The following USP42 variants were observed in gnomAD, a reference collection of about 807,000 sequenced individuals.
USP42 encodes ubiquitin carboxyl-terminal hydrolase 42.
Under a neutral mutation model 113.0 loss-of-function variants are expected in USP42, and 23 were observed. The ratio of observed to expected loss-of-function variants is 0.20; its 90% CI spans 0.15 to 0.29. USP42 has a LOEUF of 0.29. Among genes scored for constraint, USP42 ranks in the 10% least tolerant of loss-of-function variants. The pLI is 1.00. For synonymous variants in USP42, 933 were observed against 699.0 expected (o/e 1.33, Z -5.28); for missense variants, 2,174 against 1,779.8 (o/e 1.22, Z -3.99).
intron 3 of USP42, among the ~76,000 whole-genome samples, chr7:6,125,230 T>C (rs1279256374): frequency 1.3e-5 from 2 of 149,192 alleles, no homozygotes; most frequent in Admixed American, 1.3e-4. Context: ...GGCTCATGCC[T>C]GTAATCCCAG....
intron 3 of USP42, among the ~76,000 whole-genome samples, chr7:6,125,880 T>G (rs538027239): frequency 1.1e-4 from 17 of 152,282 alleles, no homozygotes; most frequent in African/African-American, 4.1e-4. Context: ...AACTTTTTAT[T>G]TGTGGTAACT....
the USP42 span, among the ~76,000 whole-genome samples, chr7:6,095,078 G>A: frequency 9.3e-5 from 14 of 151,206 alleles, no homozygotes; most frequent in Admixed American, 8.5e-4. Flanking sequence ...GTGAGCCACC[G>A]TGCCCAGCCC....
At chr7:6,082,082 C>G in the USP42 span, among the ~76,000 whole-genome samples, 1 of 151,114 alleles carries the variant, frequency 6.6e-6, no homozygotes, top group Non-Finnish European at 1.5e-5. Flanking sequence ...ACTATATATA[C>G]ATATACGTGT....
intron 17 of USP42, among the ~76,000 whole-genome samples, chr7:6,160,073 TGGTTTTATA>T (rs1782686306): frequency 6.6e-6 from 1 of 152,250 alleles, no homozygotes; most frequent in African/African-American, 2.4e-5. Flanking sequence ...GGAGAGTCAC[TGGTTTTATA>T]CCTGACCCTT....
In USP42 at chr7:6,154,922, A is replaced by T. The variant is rs757978898; in HGVS notation, c.3368A>T (p.His1123Leu). Reference sequence around the variant, plus strand: ...AGCAGCCCCCGCGCAGGCGCGCCCCACGCCCTCGCCCCGCACCCCGACCGC... The same window carrying T: ...AGCAGCCCCCGCGCAGGCGCGCCCCTCGCCCTCGCCCCGCACCCCGACCGC... Reference protein sequence around the residue: ...RPSSPRAGAPHALAPHPDRFS... With the variant: ...RPSSPRAGAPLALAPHPDRFS... Residue 1123 changes from histidine to leucine, a missense_variant, in exon 15 of 18, where the codon CAC (histidine) becomes CTC (leucine). His to Leu is a moderately conservative substitution (Grantham distance 99, BLOSUM62 -3). Coordinates refer to ENST00000306177, the MANE Select transcript of USP42 (RefSeq NM_032172.3). 1.9e-6 allele frequency: 3 copies of T among 1,549,518 alleles called. No individual in the cohort carries two copies. Among genetic ancestry groups the T allele is most frequent in the Non-Finnish European group, 2.6e-6 (3 of 1,146,318 alleles).
intron 2 of USP42, among the ~76,000 whole-genome samples, chr7:6,112,463 A>C (rs993834143): frequency 1.3e-5 from 2 of 150,910 alleles, no homozygotes; most frequent in Non-Finnish European, 1.5e-5. Flanking sequence ...AAGAAAAAAG[A>C]AAAAAAAAAG....
At chr7:6,107,983 T>G (rs535189617) in intron 1 of USP42, among the ~76,000 whole-genome samples, 7 of 152,176 alleles carry the variant, frequency 4.6e-5, no homozygotes, top group African/African-American at 1.4e-4. Flanking sequence ...AGTTAAAAAT[T>G]ACACCAGCCT....
chr7:6,132,838 A>C (rs1414434009), intron 3 of USP42, among the ~76,000 whole-genome samples: 1 of 151,798 alleles, frequency 6.6e-6, no homozygotes, highest in Admixed American at 6.6e-5. Flanking sequence ...CACCCGGCTA[A>C]TTTTTTTGTA....
At chr7:6,094,218 G>T in the USP42 span, among the ~76,000 whole-genome samples, 2 of 150,124 alleles carry the variant, frequency 1.3e-5, no homozygotes, top group Non-Finnish European at 2.9e-5. Flanking sequence ...TTGTCACCCA[G>T]GCTGGAGTGC....
intron 1 of USP42, among the ~76,000 whole-genome samples, chr7:6,105,596 G>A (rs752982324): frequency 1.3e-5 from 2 of 151,998 alleles, no homozygotes; most frequent in African/African-American, 2.4e-5. Flanking sequence ...CCCCTCCCCA[G>A]GCCTAGCCAC....
rs561595327 is a variant in USP42, at chr7:6,115,083, A to C, written c.242-240A>C. On this transcript the variant is annotated intron_variant, in intron 2 of 17. Transcript: ENST00000306177. Reference sequence around the variant, plus strand: ...TAGATATTTCTCTCAAGTTTCTTTAAATCTGTAACCCTCTCCCCTTTCTGT... The same window carrying C: ...TAGATATTTCTCTCAAGTTTCTTTACATCTGTAACCCTCTCCCCTTTCTGT... 4.6e-5 allele frequency among the ~76,000 whole-genome samples: 7 copies of C among 152,124 alleles called. No individual in the cohort carries two copies. In the South Asian group the frequency reaches 1.5e-3, roughly 32 times the overall value.
rs1583686663 is a variant in USP42 at position 6,154,062 on chromosome 7, G to C, written c.2508G>C (p.Lys836Asn). 1.2e-6 allele frequency: 2 copies of C among 1,606,152 alleles called. No individual in the cohort carries two copies. The highest frequency in any genetic ancestry group is 1.7e-6 in the Non-Finnish European group (2 of 1,179,326). Residue 836 changes from lysine (K) to asparagine (N), a missense_variant, in exon 15 of 18, where the codon AAG becomes AAC. By Grantham distance (94) the Lys-to-Asn change is moderately conservative. Coordinates refer to ENST00000306177, the MANE Select transcript of USP42 (RefSeq NM_032172.3). ...CGAGCCCGTTGTCCCAGGACGCAAAGGGGATGATCGCGGAGGGCCCGCGGG... is the reference window on the plus strand; with the variant it reads ...CGAGCCCGTTGTCCCAGGACGCAAACGGGATGATCGCGGAGGGCCCGCGGG... ...GDASPLSQDAKGMIAEGPRDS... is the reference protein window; with the variant it reads ...GDASPLSQDANGMIAEGPRDS...
At position 6,154,925 on chromosome 7, in the gene USP42, C is replaced by T. The variant is rs1289332970; in HGVS notation, c.3371C>T (p.Ala1124Val). ...PSSPRAGAPH[A>V]LAPHPDRFSH... Reference sequence around the variant, plus strand: ...AGCCCCCGCGCAGGCGCGCCCCACGCCCTCGCCCCGCACCCCGACCGCTTC... The same window carrying T: ...AGCCCCCGCGCAGGCGCGCCCCACGTCCTCGCCCCGCACCCCGACCGCTTC... The change falls in exon 15 of 18, where the codon GCC (alanine) becomes GTC (valine). Residue 1124 changes from alanine (A) to valine (V), a missense_variant. By Grantham distance (64) the Ala-to-Val change is moderately conservative (BLOSUM62 0). Transcript: ENST00000306177. The T allele has an allele frequency of 1.3e-5, 20 of 1,550,250 alleles. No individual in the cohort carries two copies. In the Admixed American group the frequency reaches 2.9e-4, roughly 23 times the overall value.
the USP42 span, among the ~76,000 whole-genome samples, chr7:6,091,981 CT>C: frequency 4.1e-4 from 10 of 24,180 alleles, 1 homozygote; most frequent in East Asian, 1.2e-3. Flanking sequence ...CGTATTTTTT[CT>C]TCTTCTTCTT....
In USP42 at chr7:6,153,760, C is replaced by G; in HGVS notation, c.2206C>G (p.Pro736Ala). Residue 736 changes from proline (P) to alanine (A), a missense_variant, in exon 15 of 18, where the codon CCT becomes GCT. Physicochemically the swap from Pro to Ala is conservative, Grantham distance 27. Coordinates refer to ENST00000306177, the MANE Select transcript of USP42 (RefSeq NM_032172.3). ...TTGTTTGTTTGGGGGCTGCAGTGCA[C>G]CTGGAGCAGAGAGGGGCCCTCCCGA... ...LKGSTDEMSA[P>A]GAERGPPEDR... 1 of 1,462,214 alleles carries G rather than the reference C, an allele frequency of 6.8e-7. No individual in the cohort carries two copies. The highest frequency in any genetic ancestry group is 9.1e-7 in the Non-Finnish European group (1 of 1,104,644). The allele number at this position is 1,462,214 out of a possible 1,614,324, so 90.6% of individuals were successfully genotyped here. A position where few individuals can be genotyped will look rare whatever the true frequency, so the allele number is the denominator to read the frequency against.
chr7:6,159,468 T>G lies in USP42; in HGVS notation c.*11T>G, dbSNP rs747735804. 37 of 1,613,802 alleles carry G rather than the reference T, an allele frequency of 2.3e-5. No homozygotes were observed. The highest frequency in any genetic ancestry group is 3.1e-5 in the Non-Finnish European group (36 of 1,179,852). On this transcript the variant is annotated 3_prime_UTR_variant, in exon 17 of 18. Coordinates refer to ENST00000306177, the MANE Select transcript of USP42 (RefSeq NM_032172.3). This position sits in a 1 kb window ranked among gnomAD's most constrained non-coding sequence, Gnocchi z 4.1. ...TTTCTAGGTGATTGAAAACTCAGCC[T>G]CAAAACAAAAAATTCACTAGTTATG...
chr7:6,116,935 A>T (rs367738089), intron 3 of USP42: 10 of 495,902 alleles, frequency 2.0e-5, no homozygotes, highest in South Asian at 1.5e-4. Context: ...GATGTCCAGA[A>T]TTAGGTGCCT....
At chr7:6,145,785 C>A in intron 10 of USP42, 129 bp downstream of exon 10, 1 of 1,110,014 alleles carries the variant, frequency 9.0e-7, no homozygotes. Context: ...AAATATTTCT[C>A]TTGGCCGGGC....
chr7:6,118,894 AAC>A (rs1780058857), intron 3 of USP42, among the ~76,000 whole-genome samples: 1 of 152,110 alleles, frequency 6.6e-6, no homozygotes, highest in Non-Finnish European at 1.5e-5. Context: ...TTGACACCGT[AAC>A]ACAATGTTTT....
Sources: gnomAD v4.1 joint callset for allele counts (sites outside exome capture counted in the v4.1 genomes callset) on GRCh38, gnomAD v4.1.1 for gene constraint, Gnocchi (gnomAD v3.1) non-coding constraint, MANE v1.5 for transcripts, NCBI Gene and HGNC (gene_info 2026-07-23, HGNC 2026-07-21) for gene names.